Variants in MYO16 observed in about 807,000 individuals in gnomAD.
The protein encoded by MYO16 is myosin XVI.
A neutral mutation model predicts 205.3 loss-of-function variants in MYO16; 94 were observed. The ratio of observed to expected loss-of-function variants is 0.46; its 90% CI spans 0.39 to 0.54. MYO16 has a LOEUF of 0.54. Among genes scored for constraint, MYO16 ranks in the 20% least tolerant of loss-of-function variants. The pLI is 0.00. For missense variants in MYO16, 2,315 were observed against 2,387.5 expected (o/e 0.97, Z 0.63); for synonymous variants, 988 against 954.0 (o/e 1.04, Z -0.66).
chr13:109,169,080 G>A (rs878900320), intron 33 of MYO16, among the ~76,000 whole-genome samples: 2 of 152,102 alleles, frequency 1.3e-5, no homozygotes, highest in Admixed American at 6.5e-5. Context: ...GTGCCCAAGT[G>A]TACACGTTAT....
At chr13:108,923,637 T>C (rs1881847821) in intron 16 of MYO16, among the ~76,000 whole-genome samples, 1 of 152,220 alleles carries the variant, frequency 6.6e-6, no homozygotes, top group South Asian at 2.1e-4. Flanking sequence ...ACTGCCCCAA[T>C]GCGGCCGGGG....
intron 20 of MYO16, among the ~76,000 whole-genome samples, chr13:108,986,261 A>G (rs969045080): frequency 2.0e-5 from 3 of 152,186 alleles, no homozygotes; most frequent in African/African-American, 7.2e-5. Flanking sequence ...ATATCAAGGT[A>G]GAACATAGCT....
At chr13:108,695,747 T>C (rs1326543636) in intron 2 of MYO16, among the ~76,000 whole-genome samples, 1 of 152,124 alleles carries the variant, frequency 6.6e-6, no homozygotes, top group East Asian at 1.9e-4. Flanking sequence ...TTGGTATAAA[T>C]AAAACACATC....
chr13:109,189,548 G>A (rs1026269305), intron 34 of MYO16, among the ~76,000 whole-genome samples: 3 of 152,118 alleles, frequency 2.0e-5, no homozygotes, highest in Admixed American at 6.5e-5. Context: ...AGTCTACCCT[G>A]GTCAACCGTC....
chr13:108,767,156 G>T (rs1885805273), intron 4 of MYO16, among the ~76,000 whole-genome samples: 1 of 152,098 alleles, frequency 6.6e-6, no homozygotes. Context: ...AGGCTGGAGT[G>T]CAGTGGTGCG....
intron 1 of MYO16, among the ~76,000 whole-genome samples, chr13:108,596,463 A>G (rs143344247): frequency 0.013 from 2,018 of 151,892 alleles, 37 homozygotes; most frequent in South Asian, 0.077. Flanking sequence ...TAAAATTTTA[A>G]CTCTAATTAA....
chr13:108,620,681 C>T (rs141464554), intron 1 of MYO16, among the ~76,000 whole-genome samples: 1 of 152,200 alleles, frequency 6.6e-6, no homozygotes, highest in Non-Finnish European at 1.5e-5. Flanking sequence ...GAGGACTCAC[C>T]TTTTGGTCGA....
At chr13:108,638,249 T>G (rs1008344206) in intron 1 of MYO16, among the ~76,000 whole-genome samples, 4 of 152,158 alleles carry the variant, frequency 2.6e-5, no homozygotes, top group Admixed American at 1.3e-4. Flanking sequence ...TGTTCCACAT[T>G]GTTAAGCCAG....
intron 1 of MYO16, among the ~76,000 whole-genome samples, chr13:108,597,991 CT>C (rs1878622706): frequency 6.6e-6 from 1 of 152,150 alleles, no homozygotes; most frequent in East Asian, 1.9e-4. Context: ...AATAATTCTG[CT>C]TTTGAGTAGT....
intron 1 of MYO16, among the ~76,000 whole-genome samples, chr13:108,649,844 C>T (rs1386837987): frequency 6.6e-6 from 1 of 152,114 alleles, no homozygotes; most frequent in East Asian, 1.9e-4. Flanking sequence ...TTGCATTGAT[C>T]TTTAAATTGA....
intron 33 of MYO16, among the ~76,000 whole-genome samples, chr13:109,174,748 C>CTTTT (rs34606084): frequency 5.5e-4 from 47 of 85,558 alleles, no homozygotes; most frequent in African/African-American, 1.2e-3. Flanking sequence ...CTTGTCTTGT[C>CTTTT]TTTTTTTTTT....
At chr13:109,100,493 C>T (rs536877838) in intron 27 of MYO16, among the ~76,000 whole-genome samples, 2 of 152,272 alleles carry the variant, frequency 1.3e-5, no homozygotes, top group Admixed American at 6.5e-5. Flanking sequence ...ATTTTCATTC[C>T]TTTCAAATTT....
At chr13:108,720,035 A>G (rs961351395) in intron 3 of MYO16, among the ~76,000 whole-genome samples, 2 of 152,196 alleles carry the variant, frequency 1.3e-5, no homozygotes, top group East Asian at 3.8e-4. Flanking sequence ...GTCTGGTTCA[A>G]TTGGCTGGAA....
intron 9 of MYO16, among the ~76,000 whole-genome samples, chr13:108,843,236 A>T (rs1566364195): frequency 6.6e-6 from 1 of 152,048 alleles, no homozygotes; most frequent in African/African-American, 2.4e-5. Flanking sequence ...CACATTATAC[A>T]CCTTAAATAT....
intron 25 of MYO16, among the ~76,000 whole-genome samples, 197 bp downstream of exon 25, chr13:109,052,672 A>T (rs916281673): frequency 2.2e-4 from 33 of 152,090 alleles, no homozygotes; most frequent in Non-Finnish European, 3.5e-4. Context: ...GCAGAGTGAC[A>T]ATTTTAATAG....
At chr13:109,182,130 C>T (rs1474384552) in intron 34 of MYO16, among the ~76,000 whole-genome samples, 2 of 152,050 alleles carry the variant, frequency 1.3e-5, no homozygotes, top group African/African-American at 4.8e-5. Flanking sequence ...TTTCATAAAA[C>T]ATAAAGAATT....
At chr13:108,926,218 C>A (rs7985086) in intron 16 of MYO16, among the ~76,000 whole-genome samples, 122,312 of 152,162 alleles carry the variant, frequency 0.8, 50,319 homozygotes, top group Non-Finnish European at 0.91. Context: ...AGAAGACCAG[C>A]CATCCAAGAG....
In MYO16 at chr13:108,629,836, G is replaced by C; in HGVS notation, c.-9G>C. The C allele has an allele frequency of 6.5e-7, 1 of 1,529,198 alleles. No individual in the cohort carries two copies. Among genetic ancestry groups the C allele is most frequent in the Non-Finnish European group, 8.8e-7 (1 of 1,141,364 alleles). 94.7% of individuals were successfully genotyped at this position (1,529,198 alleles called of 1,614,324 possible). A position where few individuals can be genotyped will look rare whatever the true frequency, so the allele number is the denominator to read the frequency against. ...AACCCGTAGCAAGATTCCTGTCTGA[G>C]ATGGAAAGATGTCTCACTATCATTT... is the stretch of plus-strand genomic sequence containing the variant. On this transcript the variant is annotated 5_prime_UTR_variant, in exon 1 of 35. Coordinates refer to ENST00000457511, the MANE Select transcript of MYO16 (RefSeq NM_001198950.3).
chr13:108,550,043 C>T, the MYO16 span, among the ~76,000 whole-genome samples: 1 of 152,256 alleles, frequency 6.6e-6, no homozygotes, highest in Non-Finnish European at 1.5e-5. Context: ...GTTGATAGGG[C>T]CAGCTGGCTG....
Sources: gnomAD v4.1 joint callset for allele counts (sites outside exome capture counted in the v4.1 genomes callset) on GRCh38, gnomAD v4.1.1 for gene constraint, MANE v1.5 for transcripts, NCBI Gene and HGNC (gene_info 2026-07-23, HGNC 2026-07-21) for gene names.